Variants in SLC2A9 observed in about 807,000 individuals in gnomAD.
SLC2A9 encodes the protein solute carrier family 2 member 9, also known as solute carrier family 2, facilitated glucose transporter member 9.
Under a neutral mutation model 50.6 loss-of-function variants are expected in SLC2A9, and 39 were observed. The ratio of observed to expected loss-of-function variants is 0.77; its 90% CI spans 0.60 to 1.01. SLC2A9 has a LOEUF of 1.01. Among genes scored for constraint, SLC2A9 ranks in the 50% least tolerant of loss-of-function variants. The pLI is 0.00. For synonymous variants in SLC2A9, 324 were observed against 276.9 expected, an observed-to-expected ratio of 1.17 and a Z score of -1.69; for missense variants, 686 against 677.6, an observed-to-expected ratio of 1.01 and a Z score of -0.14.
At chr4:9,783,426 A>C in intron 3 of SLC2A9, 1 of 1,613,160 alleles carries the variant, frequency 6.2e-7, no homozygotes, top group Non-Finnish European at 8.5e-7. Flanking sequence ...ATTTCTTTAG[A>C]CAAAATAACA....
intron 1 of SLC2A9, among the ~76,000 whole-genome samples, chr4:10,027,066 C>A (rs1269847754): frequency 6.6e-6 from 1 of 151,774 alleles, no homozygotes; most frequent in African/African-American, 2.4e-5. Context: ...AAAAAAAGAA[C>A]CCAGACACAA....
At chr4:9,984,323 G>A (rs1224687919) in intron 4 of SLC2A9, among the ~76,000 whole-genome samples, 1 of 152,110 alleles carries the variant, frequency 6.6e-6, no homozygotes, top group African/African-American at 2.4e-5. Flanking sequence ...TGAACAACCT[G>A]GTACCCTCAG....
intron 10 of SLC2A9, chr4:9,880,666 T>TTCA (rs1735050640): frequency 1.8e-6 from 1 of 542,706 alleles, no homozygotes; most frequent in Non-Finnish European, 2.3e-6. Flanking sequence ...AGGTCAACTT[T>TTCA]TCACTCAGAT....
chr4:10,012,076 C>A, intron 2 of SLC2A9, among the ~76,000 whole-genome samples: 1 of 152,262 alleles, frequency 6.6e-6, no homozygotes, highest in Non-Finnish European at 1.5e-5. Flanking sequence ...TGCTTTATCT[C>A]TACATAGCAG....
chr4:9,909,703 A>G (rs1741338076), intron 7 of SLC2A9, among the ~76,000 whole-genome samples: 1 of 152,246 alleles, frequency 6.6e-6, no homozygotes, highest in Non-Finnish European at 1.5e-5. Flanking sequence ...GACACAAATG[A>G]TGTCTGGGTT....
In SLC2A9 at chr4:9,972,384, A is replaced by AT. The variant is rs1553897392; in HGVS notation, c.681+8207_681+8208insA. ...TAGCTAATTGATTTGTTTTAAAAAA[A>AT]ATATATCATTTGGAGTCACATAAAT... On this transcript the variant is annotated intron_variant, in intron 5 of 11. Coordinates refer to ENST00000264784, the MANE Select transcript of SLC2A9 (RefSeq NM_020041.3). Among the ~76,000 whole-genome samples the AT allele has an allele frequency of 9.8e-5, 15 of 152,324 alleles. 2 individuals are homozygous for AT. In the Middle Eastern group the frequency reaches 0.034, roughly 345 times the overall value.
At position 9,801,587 on chromosome 4, in the gene SLC2A9, G is replaced by C. The variant is rs1049225180; in HGVS notation, n.421-2346C>G. On this transcript the variant is annotated intron_variant and non_coding_transcript_variant, in intron 3 of 3. Coordinates refer to the SLC2A9 transcript ENST00000503280. ...CCCATCGTTGAGGGTGGTTCTCGCA[G>C]ACATTAACTCTCCTGAACTGCTGGG... Among the ~76,000 whole-genome samples, 3 of 152,306 alleles carry C rather than the reference G, an allele frequency of 2.0e-5. No homozygotes were observed. The East Asian group carries it at 5.8e-4, about 29-fold the overall frequency.
chr4:9,920,299 TG>T, intron 7 of SLC2A9, 85 bp downstream of exon 7: 2 of 1,450,136 alleles, frequency 1.4e-6, no homozygotes, highest in Non-Finnish European at 1.9e-6. Context: ...GATTTGAACC[TG>T]GGCGTCTGGG....
chr4:9,807,617 C>T (rs997800100), intron 3 of SLC2A9, among the ~76,000 whole-genome samples: 1 of 152,168 alleles, frequency 6.6e-6, no homozygotes, highest in Admixed American at 6.5e-5. Flanking sequence ...AATGGCATTG[C>T]TGAGAAGCCA....
chr4:9,999,567 T>C (rs768623527), intron 2 of SLC2A9, among the ~76,000 whole-genome samples: 1 of 151,890 alleles, frequency 6.6e-6, no homozygotes. Flanking sequence ...GGCCATGGAA[T>C]TGCAAGGAGG....
At chr4:9,977,926 A>T (rs1755071755) in intron 5 of SLC2A9, among the ~76,000 whole-genome samples, 1 of 152,216 alleles carries the variant, frequency 6.6e-6, no homozygotes, top group Non-Finnish European at 1.5e-5. Context: ...ACATTTGTTG[A>T]ATGACTGGAT....
chr4:9,967,095 G>T (rs1358677107), intron 5 of SLC2A9, among the ~76,000 whole-genome samples: 1 of 152,148 alleles, frequency 6.6e-6, no homozygotes, highest in African/African-American at 2.4e-5. Context: ...ATCACAAACA[G>T]AAATGTCATT....
chr4:9,893,759 GGT>G (rs1737997930), intron 8 of SLC2A9, among the ~76,000 whole-genome samples: 1 of 152,154 alleles, frequency 6.6e-6, no homozygotes, highest in South Asian at 2.1e-4. Context: ...CCCCCGCAAA[GGT>G]AATAGGAGAA....
chr4:9,899,432 A>C (rs1739190441), intron 8 of SLC2A9, among the ~76,000 whole-genome samples: 1 of 152,236 alleles, frequency 6.6e-6, no homozygotes, highest in Admixed American at 6.5e-5. Flanking sequence ...TGTTTTAAAC[A>C]TGCAAAGGCT....
At chr4:9,915,152 T>C (rs1054566136) in intron 7 of SLC2A9, among the ~76,000 whole-genome samples, 1 of 152,206 alleles carries the variant, frequency 6.6e-6, no homozygotes, top group Admixed American at 6.5e-5. Flanking sequence ...GCTGGAACCA[T>C]AGCCTCCCTG....
intron 4 of SLC2A9, among the ~76,000 whole-genome samples, chr4:9,982,904 ACGT>A (rs779115655): frequency 6.6e-6 from 1 of 152,190 alleles, no homozygotes; most frequent in Non-Finnish European, 1.5e-5. Context: ...AGTTTTGCTA[ACGT>A]TGCCCAGACG....
At chr4:9,971,851 C>T (rs1016509614) in intron 5 of SLC2A9, among the ~76,000 whole-genome samples, 5 of 152,188 alleles carry the variant, frequency 3.3e-5, no homozygotes, top group African/African-American at 1.2e-4. Flanking sequence ...CTGCAAAAAC[C>T]TTGCACAAAG....
chr4:9,781,488 C>T (rs1453569331), intron 3 of SLC2A9, among the ~76,000 whole-genome samples: 1 of 152,064 alleles, frequency 6.6e-6, no homozygotes, highest in Non-Finnish European at 1.5e-5. Flanking sequence ...GGGCGCCCCT[C>T]GGACCTGCGG....
At chr4:9,895,951 A>C (rs1373482744) in intron 8 of SLC2A9, among the ~76,000 whole-genome samples, 2 of 152,226 alleles carry the variant, frequency 1.3e-5, no homozygotes. Context: ...ACATATCAAC[A>C]GTTCTTTTGT....
Sources: allele counts gnomAD v4.1 joint callset (sites outside exome capture counted in the v4.1 genomes callset), GRCh38; gene constraint gnomAD v4.1.1; transcripts MANE v1.5; gene names NCBI Gene and HGNC (gene_info 2026-07-23, HGNC 2026-07-21).